Variants in PRKG1 observed in about 807,000 individuals in gnomAD.
PRKG1 encodes the protein cGMP-dependent protein kinase 1.
PRKG1 carries 35 observed loss-of-function variants against 88.1 expected under a neutral mutation model. The observed-to-expected ratio is 0.40, with a 90% CI of 0.30 to 0.53. PRKG1 has a LOEUF of 0.53. PRKG1 is among the 20% of genes least tolerant of loss of function. The probability of loss-of-function intolerance (pLI) is 0.59; values close to 1 mark genes in which losing one functional copy is unlikely to be tolerated. For missense variants in PRKG1, 540 were observed against 839.8 expected (o/e 0.64, Z 4.41); for synonymous variants, 303 against 292.5 (o/e 1.04, Z -0.37).
chr10:52,157,316 T>G (rs898624549), intron 8 of PRKG1, among the ~76,000 whole-genome samples: 3 of 43,600 alleles, frequency 6.9e-5, no homozygotes, highest in Admixed American at 2.0e-4. Flanking sequence ...GATATATATA[T>G]ATATATATAT....
chr10:51,081,146 C>T (rs1357957977), intron 1 of PRKG1, among the ~76,000 whole-genome samples: 8 of 151,992 alleles, frequency 5.3e-5, no homozygotes, highest in East Asian at 3.9e-4. Flanking sequence ...GGGGAGACTC[C>T]ATATCTTGTC....
At chr10:52,013,005 G>A (rs12780755) in intron 5 of PRKG1, among the ~76,000 whole-genome samples, 28,674 of 152,216 alleles carry the variant, frequency 0.19, 2,872 homozygotes, top group East Asian at 0.33. Flanking sequence ...AGCTATTTGA[G>A]TGAGTATGGT....
intron 3 of PRKG1, among the ~76,000 whole-genome samples, chr10:51,804,323 G>T (rs1018853427): frequency 7.9e-5 from 12 of 151,934 alleles, no homozygotes; most frequent in Admixed American, 2.6e-4. Context: ...AACCCCCAAG[G>T]GTCATAGAGC....
intron 2 of PRKG1, among the ~76,000 whole-genome samples, chr10:51,400,720 CT>C (rs764345642): frequency 9.9e-5 from 15 of 152,250 alleles, no homozygotes; most frequent in Non-Finnish European, 2.1e-4. Flanking sequence ...TTTGGTTCTT[CT>C]TAGTTTTTTC....
Position 51,179,180 on chromosome 10 carries a change from C to T in PRKG1, c.478+25850C>T, listed in dbSNP as rs549816150. 9.4e-4 allele frequency among the ~76,000 whole-genome samples: 143 copies of T among 152,258 alleles called. 1 individual carries two copies. The highest frequency in any genetic ancestry group is 2.6e-3 in the African/African-American group (108 of 41,552). ...GAACTCAGTTGTAAATACTAAGAGG[C>T]TACTATTATCAAGAAATACATCAAA... On this transcript the variant is annotated intron_variant, in intron 2 of 17. Coordinates refer to ENST00000373980, the MANE Select transcript of PRKG1 (RefSeq NM_006258.4).
intron 9 of PRKG1, among the ~76,000 whole-genome samples, chr10:52,213,167 A>AT (rs1840024809): frequency 6.6e-6 from 1 of 152,084 alleles, no homozygotes; most frequent in African/African-American, 2.4e-5. Context: ...ACTTAAAAGT[A>AT]TAATAAAAAA....
chr10:51,862,894 T>G (rs1185707658), intron 4 of PRKG1, among the ~76,000 whole-genome samples: 1 of 152,174 alleles, frequency 6.6e-6, no homozygotes, highest in Non-Finnish European at 1.5e-5. Context: ...CCTATGTAAG[T>G]GCTCAAATAT....
intron 5 of PRKG1, chr10:51,909,621 G>T (rs763437550): frequency 4.0e-5 from 6 of 151,838 alleles, no homozygotes; most frequent in Non-Finnish European, 7.3e-5. Context: ...GGGAATGAAT[G>T]AATGAATGAA....
At chr10:51,407,562 C>T (rs1295077680) in intron 2 of PRKG1, among the ~76,000 whole-genome samples, 3 of 152,180 alleles carry the variant, frequency 2.0e-5, no homozygotes, top group Admixed American at 6.5e-5. Context: ...CAACTCATCA[C>T]GTGGTTGTGG....
chr10:51,858,764 T>G (rs1425410372), intron 4 of PRKG1, among the ~76,000 whole-genome samples: 1 of 151,932 alleles, frequency 6.6e-6, no homozygotes, highest in Non-Finnish European at 1.5e-5. Flanking sequence ...CTCAAAATGC[T>G]TAAAGTTTTA....
At chr10:51,818,587 C>T (rs1839653845) in intron 4 of PRKG1, among the ~76,000 whole-genome samples, 1 of 152,104 alleles carries the variant, frequency 6.6e-6, no homozygotes, top group Non-Finnish European at 1.5e-5. Flanking sequence ...CTACACTATA[C>T]AATGTGTTTG....
chr10:51,374,073 C>T (rs1337475675), intron 2 of PRKG1, among the ~76,000 whole-genome samples: 1 of 70,786 alleles, frequency 1.4e-5, no homozygotes, highest in Non-Finnish European at 3.1e-5. Context: ...ACCTGGCTGG[C>T]AGAGGTTGCA....
intron 5 of PRKG1, chr10:51,910,735 G>C (rs1842197710): frequency 6.6e-6 from 1 of 152,142 alleles, no homozygotes; most frequent in African/African-American, 2.4e-5. Flanking sequence ...AAGCGAAGAT[G>C]GGTGGTTGAT....
intron 9 of PRKG1, among the ~76,000 whole-genome samples, chr10:52,173,598 G>T (rs1838772295): frequency 6.6e-6 from 1 of 152,086 alleles, no homozygotes; most frequent in African/African-American, 2.4e-5. Flanking sequence ...AGCATGACTG[G>T]TGCTCAGAGA....
intron 2 of PRKG1, among the ~76,000 whole-genome samples, chr10:51,188,943 T>G (rs894225748): frequency 2.0e-5 from 3 of 151,938 alleles, no homozygotes; most frequent in African/African-American, 7.2e-5. Context: ...GTCTGCAGTT[T>G]AGCTTATTAA....
intron 5 of PRKG1, 151 bp from the exon 6 acceptor site, chr10:52,054,333 C>T (rs371540088): frequency 1.6e-6 from 1 of 610,708 alleles, no homozygotes; most frequent in East Asian, 2.8e-5. Context: ...CATACATTGA[C>T]TAATATTCAT....
intron 5 of PRKG1, among the ~76,000 whole-genome samples, chr10:51,994,012 A>G (rs916501359): frequency 6.6e-6 from 1 of 152,108 alleles, no homozygotes; most frequent in African/African-American, 2.4e-5. Flanking sequence ...GGGTTTAATA[A>G]TGCACTGAAC....
At chr10:51,584,072 C>G (rs147352820) in intron 3 of PRKG1, among the ~76,000 whole-genome samples, 1 of 152,176 alleles carries the variant, frequency 6.6e-6, no homozygotes, top group East Asian at 1.9e-4. Context: ...TTTTTCCACT[C>G]AGAAGTAACA....
At chr10:51,529,821 C>A (rs1305262173) in intron 3 of PRKG1, among the ~76,000 whole-genome samples, 1 of 152,158 alleles carries the variant, frequency 6.6e-6, no homozygotes, top group African/African-American at 2.4e-5. Context: ...TGTAAAAGCA[C>A]TTTATAAAGC....
Sources: allele counts gnomAD v4.1 joint callset (sites outside exome capture counted in the v4.1 genomes callset), GRCh38; gene constraint gnomAD v4.1.1; transcripts MANE v1.5; gene names NCBI Gene and HGNC (gene_info 2026-07-23, HGNC 2026-07-21).